MYH13: variants seen among roughly 807,000 people sequenced by gnomAD.
The protein encoded by MYH13 is myosin-13.
MYH13 carries 177 observed loss-of-function variants against 232.1 expected under a neutral mutation model. The observed-to-expected ratio is 0.76, with a 90% CI of 0.67 to 0.86. The LOEUF (loss-of-function observed/expected upper bound fraction) is 0.86. MYH13 is among the 40% of genes least tolerant of loss of function. The pLI is 0.00. For synonymous variants in MYH13, 884 were observed against 923.5 expected (o/e 0.96, Z 0.78); for missense variants, 2,246 against 2,405.9 (o/e 0.93, Z 1.39).
intron 39 of MYH13, among the ~76,000 whole-genome samples, chr17:10,302,967 AG>A (rs1253929358): frequency 6.6e-6 from 1 of 150,964 alleles, no homozygotes; most frequent in Non-Finnish European, 1.5e-5. Context: ...AAGGGGATGG[AG>A]GGGGCTGGCC....
intron 30 of MYH13, 81 bp downstream of exon 30, chr17:10,313,077 A>G: frequency 1.9e-6 from 3 of 1,592,602 alleles, no homozygotes; most frequent in East Asian, 2.2e-5. Context: ...GCAGGAAAGA[A>G]TCTCTCAAGA....
intron 2 of MYH13, among the ~76,000 whole-genome samples, chr17:10,369,941 A>G (rs1249572116): frequency 4.6e-5 from 7 of 151,970 alleles, no homozygotes; most frequent in Admixed American, 3.3e-4. Context: ...CTACGTGACA[A>G]CTCTTCACCC....
chr17:10,345,443 A>G, intron 14 of MYH13, 24 bp downstream of exon 14: 1 of 1,614,248 alleles, frequency 6.2e-7, no homozygotes, highest in Non-Finnish European at 8.5e-7. Flanking sequence ...AAAGCAGACA[A>G]GAAAGTAGAA....
chr17:10,362,061 G>T, intron 5 of MYH13, 57 bp downstream of exon 5: 2 of 1,612,244 alleles, frequency 1.2e-6, no homozygotes, highest in Admixed American at 1.7e-5. Context: ...CCCATCAAAA[G>T]CTTGAAAAAT....
At chr17:10,334,555 TG>T (rs1444837972) in intron 18 of MYH13, among the ~76,000 whole-genome samples, 1 of 152,116 alleles carries the variant, frequency 6.6e-6, no homozygotes, top group Non-Finnish European at 1.5e-5. Context: ...AGAGAAAACA[TG>T]GTTGAGAGCA....
At chr17:10,363,937 G>GT (rs1455112921) in intron 3 of MYH13, among the ~76,000 whole-genome samples, 2 of 152,150 alleles carry the variant, frequency 1.3e-5, no homozygotes, top group Admixed American at 6.5e-5. Flanking sequence ...GTACTGAATG[G>GT]TACATGATAA....
At chr17:10,338,745 G>T (rs2071596828) in intron 18 of MYH13, among the ~76,000 whole-genome samples, 1 of 144,308 alleles carries the variant, frequency 6.9e-6, no homozygotes, top group Non-Finnish European at 1.5e-5. Context: ...CTGTCGCCCA[G>T]GCTGGAATGC....
At chr17:10,309,964 T>G in intron 33 of MYH13, 134 bp from the exon 34 acceptor site, 1 of 657,730 alleles carries the variant, frequency 1.5e-6, no homozygotes, top group Non-Finnish European at 2.3e-6. Context: ...TTTTTTTTGG[T>G]AGAGACAGGG....
chr17:10,342,107 C>T (rs2071623331), intron 16 of MYH13, among the ~76,000 whole-genome samples: 1 of 152,022 alleles, frequency 6.6e-6, no homozygotes, highest in African/African-American at 2.4e-5. Context: ...GTACAGTGGC[C>T]CAATCATGGC....
At position 10,332,110 on chromosome 17, in the gene MYH13, C is replaced by G. The variant is rs765721497; in HGVS notation, c.2287G>C (p.Gly763Arg). Reference sequence around the variant, plus strand: ...TTGCCTGTGCTCACCTTGGTGTTGCCGAACCTGAACTGCTCCCGGTCCACA... The same window carrying G: ...TTGCCTGTGCTCACCTTGGTGTTGCGGAACCTGAACTGCTCCCGGTCCACA... The part of the protein sequence containing the change: ...IDVDREQFRF[G>R]NTKVFFKAGL... Residue 763 changes from glycine (G) to arginine (R), a missense_variant, in exon 20 of 41, where the codon GGC becomes CGC. By Grantham distance (125) the Gly-to-Arg change is moderately radical. Transcript: ENST00000252172. 1.1e-5 allele frequency: 18 copies of G among 1,613,860 alleles called. No homozygotes were observed. Among genetic ancestry groups the G allele is most frequent in the Non-Finnish European group, 1.5e-5 (18 of 1,179,856 alleles).
In MYH13 at chr17:10,354,760, G is replaced by C; in HGVS notation, c.925C>G (p.Pro309Ala). ...TGGCTCACGAAGGGGAAGTCGAAGG[G>C]GTTGGTGGAGATCAGAAGCAGGTCT... ...LIDLLLISTN[P>A]FDFPFVSQGE... Residue 309 changes from proline to alanine, a missense_variant, in exon 11 of 41, where the codon CCC becomes GCC. Coordinates refer to ENST00000252172, the MANE Select transcript of MYH13 (RefSeq NM_003802.3). 1 of 1,613,958 alleles carries C rather than the reference G, an allele frequency of 6.2e-7. No homozygotes were observed.
rs1046150482 is a variant in MYH13 at position 10,340,083 on chromosome 17, G to A, written c.2056+67C>T. 1.2e-5 allele frequency: 16 copies of A among 1,379,714 alleles called. No homozygotes were observed. In the African/African-American group the frequency reaches 2.2e-4, roughly 19 times the overall value. 85.5% of individuals were successfully genotyped at this position (1,379,714 alleles called of 1,614,324 possible). A position where few individuals can be genotyped will look rare whatever the true frequency, so the allele number is the denominator to read the frequency against. On this transcript the variant is annotated intron_variant, in intron 18 of 40. Coordinates refer to ENST00000252172, the MANE Select transcript of MYH13 (RefSeq NM_003802.3). Reference sequence around the variant, plus strand: ...CACTCTTTCCAAACGCACACCCACAGAATTTTGCATTTATCTCAGGGCGTC... The same window carrying A: ...CACTCTTTCCAAACGCACACCCACAAAATTTTGCATTTATCTCAGGGCGTC...
At chr17:10,339,616 G>A (rs1453657691) in intron 18 of MYH13, among the ~76,000 whole-genome samples, 3 of 152,172 alleles carry the variant, frequency 2.0e-5, no homozygotes, top group African/African-American at 7.2e-5. Flanking sequence ...TATGAAAGCT[G>A]TGGCTCTGAT....
intron 31 of MYH13, 115 bp from the exon 32 acceptor site, chr17:10,312,191 TGAA>T (rs1237055766): frequency 3.1e-5 from 36 of 1,172,880 alleles, no homozygotes; most frequent in African/African-American, 7.6e-5. Context: ...CCTTAGGGAC[TGAA>T]GAAGGAGGAG....
intron 2 of MYH13, among the ~76,000 whole-genome samples, chr17:10,367,771 C>T (rs534141065): frequency 6.6e-6 from 1 of 152,168 alleles, no homozygotes; most frequent in South Asian, 2.1e-4. Flanking sequence ...GTTGGATTCT[C>T]ATATCTGCTT....
chr17:10,356,244 G>C (rs2071748417), intron 8 of MYH13, among the ~76,000 whole-genome samples: 1 of 152,170 alleles, frequency 6.6e-6, no homozygotes, highest in Non-Finnish European at 1.5e-5. Context: ...GATCAGTAAA[G>C]GCACATGTGC....
intron 18 of MYH13, 97 bp downstream of exon 18, chr17:10,340,053 A>AC (rs2071609064): frequency 9.7e-7 from 1 of 1,027,022 alleles, no homozygotes; most frequent in Non-Finnish European, 1.5e-6. Flanking sequence ...AGTGATACAG[A>AC]CCATCACTCT....
rs1906279518 is a variant in MYH13, at chr17:10,306,223, T to TGC, written c.5466+235_5466+236insGC. Among the ~76,000 whole-genome samples the TGC allele has an allele frequency of 1.1e-4, 7 of 62,130 alleles. No individual in the cohort carries two copies. The South Asian group carries it at 3.8e-3, about 34-fold the overall frequency. 40.8% of individuals were successfully genotyped at this position (62,130 alleles called of 152,430 possible). A position where few individuals can be genotyped will look rare whatever the true frequency, so the allele number is the denominator to read the frequency against. Reference sequence around the variant, plus strand: ...AGGTGTGAGCATACCAAAATAGATGTGTGTGTGTGTGTGTGTGTGTGTGTG... The same window carrying TGC: ...AGGTGTGAGCATACCAAAATAGATGTGCGTGTGTGTGTGTGTGTGTGTGTGTG... On this transcript the variant is annotated intron_variant, in intron 37 of 40. Transcript: ENST00000252172. The surrounding 1 kb of genome is among the most constrained non-coding windows in gnomAD (Gnocchi z 4.3).
chr17:10,347,252 C>G (rs960170174), intron 12 of MYH13, among the ~76,000 whole-genome samples: 1 of 152,068 alleles, frequency 6.6e-6, no homozygotes, highest in African/African-American at 2.4e-5. Context: ...GTAGTCCCAG[C>G]TACTTGGGAG....
Sources: allele counts gnomAD v4.1 joint callset (sites outside exome capture counted in the v4.1 genomes callset), GRCh38; gene constraint gnomAD v4.1.1; non-coding constraint Gnocchi (gnomAD v3.1); transcripts MANE v1.5; gene names NCBI Gene and HGNC (gene_info 2026-07-23, HGNC 2026-07-21).